GALK2: variants seen among roughly 807,000 people sequenced by gnomAD.
GALK2 encodes galactokinase 2, also known as N-acetylgalactosamine kinase.
GALK2 carries 36 observed loss-of-function variants against 52.4 expected under a neutral mutation model. That is an observed-to-expected ratio of 0.69 (90% confidence interval 0.53 to 0.91). The LOEUF (loss-of-function observed/expected upper bound fraction) is 0.91. Among genes scored for constraint, GALK2 ranks in the 40% least tolerant of loss-of-function variants. The pLI is 0.00. For missense variants in GALK2, 579 were observed against 559.1 expected (o/e 1.04, Z -0.36); for synonymous variants, 176 against 199.1 (o/e 0.88, Z 0.98).
chr15:49,290,780 T>C (rs2033857254), intron 7 of GALK2, among the ~76,000 whole-genome samples: 1 of 152,226 alleles, frequency 6.6e-6, no homozygotes. Flanking sequence ...TCTAGGTTTG[T>C]GTTTTGAAAT....
chr15:49,194,215 A>G (rs1371760332), intron 1 of GALK2: 1 of 152,002 alleles, frequency 6.6e-6, no homozygotes, highest in Admixed American at 6.6e-5. Context: ...AGTCGCAGCT[A>G]CTCGGGAGGC....
chr15:49,185,015 A>G (rs181144568), intron 1 of GALK2, among the ~76,000 whole-genome samples: 34 of 152,254 alleles, frequency 2.2e-4, no homozygotes, highest in African/African-American at 7.2e-4. Context: ...ATGTGGGTAC[A>G]TGTGCACCTT....
At chr15:49,235,689 T>A (rs886130551) in intron 3 of GALK2, 162 bp from the exon 4 acceptor site, 1 of 753,034 alleles carries the variant, frequency 1.3e-6, no homozygotes, top group Non-Finnish European at 2.4e-6. Flanking sequence ...CTCTCTTAAC[T>A]CTTAGCAGCT....
rs76347500 is a variant in GALK2, at chr15:49,201,853, C to T, written c.142+603C>T. On this transcript the variant is annotated intron_variant, in intron 2 of 9. Coordinates refer to ENST00000560031, the MANE Select transcript of GALK2 (RefSeq NM_002044.4). ...TTCATTTAATATATCATAAATATTTCCATGTATCTATTTCCATTTTCTGCT... is the reference window on the plus strand; with the variant it reads ...TTCATTTAATATATCATAAATATTTTCATGTATCTATTTCCATTTTCTGCT... Among the ~76,000 whole-genome samples, 651 of 152,080 alleles carry T rather than the reference C, an allele frequency of 4.3e-3. 11 individuals carry two copies. Among genetic ancestry groups the T allele is most frequent in the African/African-American group, 0.015 (622 of 41,460 alleles).
chr15:49,293,670 C>T (rs553160236), intron 8 of GALK2, among the ~76,000 whole-genome samples: 16 of 152,094 alleles, frequency 1.1e-4, no homozygotes, highest in South Asian at 4.1e-4. Context: ...TGAAAATAGG[C>T]GTAACAGGAA....
downstream of GALK2, chr15:49,335,608 A>C (rs999913553): frequency 7.5e-6 from 5 of 665,666 alleles, no homozygotes; most frequent in Admixed American, 1.2e-4. Context: ...TTCAGTAATG[A>C]AGAGTCTCAA....
intron 3 of GALK2, among the ~76,000 whole-genome samples, chr15:49,341,247 G>C (rs1214858975): frequency 6.6e-6 from 1 of 151,938 alleles, no homozygotes; most frequent in East Asian, 1.9e-4. Flanking sequence ...TGGCTATTTG[G>C]GCTGTTTTGG....
intron 5 of GALK2, among the ~76,000 whole-genome samples, chr15:49,246,441 C>A (rs1413690348): frequency 6.6e-6 from 1 of 151,954 alleles, no homozygotes; most frequent in East Asian, 1.9e-4. Flanking sequence ...TTCAGAAAAC[C>A]CACTTTGGAG....
intron 3 of GALK2, among the ~76,000 whole-genome samples, chr15:49,223,893 T>C (rs2089977757): frequency 1.3e-5 from 2 of 152,126 alleles, no homozygotes; most frequent in African/African-American, 4.8e-5. Flanking sequence ...TTTATTTTCC[T>C]ATGGGTATAT....
At chr15:49,304,414 G>A (rs963031964) in intron 8 of GALK2, among the ~76,000 whole-genome samples, 3 of 152,182 alleles carry the variant, frequency 2.0e-5, no homozygotes, top group South Asian at 4.1e-4. Context: ...AAAAGAGTTT[G>A]TTCATCTAAG....
At chr15:49,201,934 C>CTT (rs2087816192) in intron 2 of GALK2, among the ~76,000 whole-genome samples, 1 of 152,008 alleles carries the variant, frequency 6.6e-6, no homozygotes, top group Non-Finnish European at 1.5e-5. Flanking sequence ...GTTTATTTGG[C>CTT]TTGTGATTCT....
intron 3 of GALK2, among the ~76,000 whole-genome samples, chr15:49,342,741 A>G (rs147658179): frequency 2.6e-5 from 4 of 152,208 alleles, no homozygotes; most frequent in Non-Finnish European, 4.4e-5. Context: ...GAATTCCCTT[A>G]GTGCTTGCGT....
At chr15:49,356,882 A>C (rs1418923899) in intron 3 of GALK2, among the ~76,000 whole-genome samples, 98 of 132,518 alleles carry the variant, frequency 7.4e-4, no homozygotes, top group African/African-American at 2.7e-3. Context: ...ATAACAAACT[A>C]TCTCTCAGAC....
intron 2 of GALK2, among the ~76,000 whole-genome samples, chr15:49,209,992 T>C (rs1224001639): frequency 1.3e-5 from 2 of 152,246 alleles, no homozygotes; most frequent in East Asian, 3.8e-4. Flanking sequence ...GACTTTTTAC[T>C]GTTGCTTCAA....
chr15:49,180,481 A>G (rs995311341), intron 1 of GALK2, among the ~76,000 whole-genome samples: 3 of 152,170 alleles, frequency 2.0e-5, no homozygotes, highest in Admixed American at 1.3e-4. Flanking sequence ...ATATATTACA[A>G]TGAACTGCTA....
intron 7 of GALK2, among the ~76,000 whole-genome samples, chr15:49,286,463 C>A (rs1324481520): frequency 6.6e-6 from 1 of 152,190 alleles, no homozygotes; most frequent in Middle Eastern, 3.2e-3. Flanking sequence ...TCTCCTCTTA[C>A]TTCTATCCTC....
chr15:49,328,925 C>T lies in GALK2; in HGVS notation c.*766C>T, dbSNP rs375999919. ...TTAATAGAAAAACTTAGATAAAAAA[C>T]ACTTTAAGACTCTTCTATTCACATT... On this transcript the variant is annotated 3_prime_UTR_variant, in exon 10 of 10. Transcript: ENST00000560031. 34 of 1,199,922 alleles carry T rather than the reference C, an allele frequency of 2.8e-5. No individual in the cohort carries two copies. In the East Asian group the frequency reaches 7.8e-4, roughly 27 times the overall value. 74.3% of individuals were successfully genotyped at this position (1,199,922 alleles called of 1,614,324 possible). A position where few individuals can be genotyped will look rare whatever the true frequency, so the allele number is the denominator to read the frequency against.
chr15:49,240,492 G>T (rs1184763548), intron 5 of GALK2, among the ~76,000 whole-genome samples: 1 of 152,194 alleles, frequency 6.6e-6, no homozygotes, highest in Admixed American at 6.5e-5. Context: ...ATAGGCAACT[G>T]CAATAGAATA....
At chr15:49,193,464 T>TA (rs2086936599) in intron 1 of GALK2, among the ~76,000 whole-genome samples, 1 of 152,058 alleles carries the variant, frequency 6.6e-6, no homozygotes, top group Non-Finnish European at 1.5e-5. Flanking sequence ...CATAAATGTT[T>TA]TAAAACATTT....
Sources: allele counts gnomAD v4.1 joint callset (sites outside exome capture counted in the v4.1 genomes callset), GRCh38; gene constraint gnomAD v4.1.1; transcripts MANE v1.5; gene names NCBI Gene and HGNC (gene_info 2026-07-23, HGNC 2026-07-21).